Variants in GTF2A1L observed in about 807,000 individuals in gnomAD.
GTF2A1L encodes general transcription factor IIA subunit 1 like.
A neutral mutation model predicts 49.7 loss-of-function variants in GTF2A1L; 48 were observed. The ratio of observed to expected loss-of-function variants is 0.97; its 90% CI spans 0.77 to 1.23. The LOEUF is 1.23. Among genes scored for constraint, GTF2A1L ranks in the 50% most tolerant of loss-of-function variants. The pLI is 0.00. For synonymous variants in GTF2A1L, 246 were observed against 193.5 expected, an observed-to-expected ratio of 1.27 and a Z score of -2.25; for missense variants, 736 against 564.8, an observed-to-expected ratio of 1.30 and a Z score of -3.07.
intron 8 of GTF2A1L, among the ~76,000 whole-genome samples, chr2:48,673,529 A>AT (rs1224989029): frequency 6.6e-6 from 1 of 151,604 alleles, no homozygotes; most frequent in Non-Finnish European, 1.5e-5. Context: ...CGCCCGGATA[A>AT]TTTTTTGTAT....
At chr2:48,644,626 G>T (rs926489835) in intron 4 of GTF2A1L, among the ~76,000 whole-genome samples, 7 of 152,022 alleles carry the variant, frequency 4.6e-5, no homozygotes, top group Non-Finnish European at 1.0e-4. Flanking sequence ...CCTCCAAAAG[G>T]GTTGTACCAA....
At chr2:48,633,811 T>C (rs1180611371) in intron 3 of GTF2A1L, among the ~76,000 whole-genome samples, 2 of 152,244 alleles carry the variant, frequency 1.3e-5, no homozygotes, top group Non-Finnish European at 2.9e-5. Context: ...TAATTCTGGG[T>C]GCTCCAATTT....
chr2:48,628,956 C>G, intron 3 of GTF2A1L, among the ~76,000 whole-genome samples: 1 of 143,562 alleles, frequency 7.0e-6, no homozygotes, highest in Non-Finnish European at 1.6e-5. Flanking sequence ...AAGAAAGTGA[C>G]TTTGCAGCCA....
rs748942872 is a variant in GTF2A1L, at chr2:48,679,493, G to T, written c.*51G>T. On this transcript the variant is annotated 3_prime_UTR_variant, in exon 9 of 9. Transcript: ENST00000403751. The stretch of plus-strand genomic sequence containing the variant: ...TTGTGAACATCAGTTGGATTATATT[G>T]CATATTGTGAATTCATTTTTATTTT... 7 of 1,596,998 alleles carry T rather than the reference G, an allele frequency of 4.4e-6. No individual in the cohort carries two copies. The highest frequency in any genetic ancestry group is 5.1e-6 in the Non-Finnish European group (6 of 1,174,610).
At chr2:48,674,841 A>G (rs985291065) in intron 8 of GTF2A1L, among the ~76,000 whole-genome samples, 2 of 152,120 alleles carry the variant, frequency 1.3e-5, no homozygotes, top group African/African-American at 4.8e-5. Context: ...AGGTGATATT[A>G]AATATACACT....
intron 3 of GTF2A1L, among the ~76,000 whole-genome samples, chr2:48,640,609 C>T (rs921683254): frequency 2.0e-5 from 3 of 152,088 alleles, no homozygotes; most frequent in Non-Finnish European, 4.4e-5. Flanking sequence ...ATGAAATAAT[C>T]TGTAAAACAA....
intron 1 of GTF2A1L, among the ~76,000 whole-genome samples, chr2:48,619,337 G>A (rs938293765): frequency 2.6e-5 from 4 of 151,854 alleles, no homozygotes; most frequent in South Asian, 2.1e-4. Flanking sequence ...AGGTGAGGTC[G>A]TGCACGCCTG....
chr2:48,628,850 C>G (rs895514872), intron 3 of GTF2A1L, among the ~76,000 whole-genome samples: 1 of 143,990 alleles, frequency 6.9e-6, no homozygotes, highest in African/African-American at 2.5e-5. Context: ...AGTTTGAGGT[C>G]TTACATTTAG....
In GTF2A1L at chr2:48,679,328, C is replaced by T. The variant is rs757003764; in HGVS notation, c.1330-7C>T. On this transcript the variant is annotated splice_region_variant and splice_polypyrimidine_tract_variant and intron_variant, in intron 8 of 8. Coordinates refer to ENST00000403751, the MANE Select transcript of GTF2A1L (RefSeq NM_006872.5). ...TTAATTAATGTAAACTACTTTTCTCCCTCCAGATTCATCGAAGCAAGAACA... is the reference window on the plus strand; with the variant it reads ...TTAATTAATGTAAACTACTTTTCTCTCTCCAGATTCATCGAAGCAAGAACA... 1 of 1,603,670 alleles carries T rather than the reference C, an allele frequency of 6.2e-7. No individual in the cohort carries two copies. Among genetic ancestry groups the T allele is most frequent in the South Asian group, 1.1e-5 (1 of 89,164 alleles).
At chr2:48,630,099 G>C (rs76204113) in intron 3 of GTF2A1L, among the ~76,000 whole-genome samples, 1,533 of 144,082 alleles carry the variant, frequency 0.011, 144 homozygotes, top group African/African-American at 0.036. Flanking sequence ...GGCTGTTCAG[G>C]CTCCTTGTTG....
At chr2:48,665,152 CCT>C (rs1254554486) in intron 6 of GTF2A1L, among the ~76,000 whole-genome samples, 1 of 152,064 alleles carries the variant, frequency 6.6e-6, no homozygotes, top group Non-Finnish European at 1.5e-5. Context: ...CAACTCTTGG[CCT>C]CAAGTGATCC....
At chr2:48,654,902 T>C (rs998805472) in intron 6 of GTF2A1L, among the ~76,000 whole-genome samples, 1 of 152,190 alleles carries the variant, frequency 6.6e-6, no homozygotes, top group Non-Finnish European at 1.5e-5. Context: ...CTGTCTTGAT[T>C]ATGGTAAATT....
chr2:48,662,643 T>A (rs1380611338), intron 6 of GTF2A1L, among the ~76,000 whole-genome samples: 2 of 147,158 alleles, frequency 1.4e-5, no homozygotes, highest in Non-Finnish European at 3.0e-5. Context: ...TACAGAAATC[T>A]TGGTTGATCT....
chr2:48,671,720 C>T, intron 8 of GTF2A1L, 40 bp downstream of exon 8: 1 of 1,540,914 alleles, frequency 6.5e-7, no homozygotes, highest in Non-Finnish European at 8.9e-7. Flanking sequence ...TTATTAACTG[C>T]ATTTATAGTA....
chr2:48,631,508 CT>C (rs1488437485), intron 3 of GTF2A1L, among the ~76,000 whole-genome samples: 1 of 151,948 alleles, frequency 6.6e-6, no homozygotes, highest in African/African-American at 2.4e-5. Flanking sequence ...GGAATCTTCC[CT>C]TTTTTTCTTT....
chr2:48,627,776 G>T lies in GTF2A1L; in HGVS notation c.247+6486G>T, dbSNP rs187425379. Among the ~76,000 whole-genome samples, 7 of 143,122 alleles carry T rather than the reference G, an allele frequency of 4.9e-5. 1 individual carries two copies. Among genetic ancestry groups the T allele is most frequent in the Admixed American group, 1.4e-4 (2 of 14,092 alleles). The allele number at this position is 143,122 out of a possible 152,430, so 93.9% of individuals were successfully genotyped here. On this transcript the variant is annotated intron_variant, in intron 3 of 8. Transcript: ENST00000403751. Reference sequence around the variant, plus strand: ...GTACACAGGCAGGTTTGTTACATGGGTATATTGCATGATTCTGAGGTTTGG... The same window carrying T: ...GTACACAGGCAGGTTTGTTACATGGTTATATTGCATGATTCTGAGGTTTGG...
intron 7 of GTF2A1L, 71 bp downstream of exon 7, chr2:48,670,053 C>T: frequency 6.6e-7 from 1 of 1,519,842 alleles, no homozygotes. Flanking sequence ...TGCCTTGGAA[C>T]CAAAAGGAAT....
chr2:48,620,963 G>A lies in GTF2A1L; in HGVS notation c.123+11G>A, dbSNP rs750812472. On this transcript the variant is annotated intron_variant, in intron 2 of 8. Transcript: ENST00000403751. The stretch of plus-strand genomic sequence containing the variant: ...AAAGACTTGAAGCAGGTTTGTAGCC[G>A]ATACAACTTTTTCTTCCTGTCTTTT... The A allele has an allele frequency of 4.5e-5, 72 of 1,588,882 alleles. No homozygotes were observed. The highest frequency in any genetic ancestry group is 1.9e-4 in the Admixed American group (10 of 52,718).
intron 6 of GTF2A1L, among the ~76,000 whole-genome samples, chr2:48,651,928 C>T (rs1249377173): frequency 1.1e-4 from 17 of 152,138 alleles, no homozygotes; most frequent in Admixed American, 1.1e-3. Context: ...TCTTTGTTTT[C>T]ATGGTCCTGT....
Sources: allele counts gnomAD v4.1 joint callset (sites outside exome capture counted in the v4.1 genomes callset), GRCh38; gene constraint gnomAD v4.1.1; transcripts MANE v1.5; gene names NCBI Gene and HGNC (gene_info 2026-07-23, HGNC 2026-07-21).